The following SV2C variants were observed in gnomAD, a reference collection of about 807,000 sequenced individuals.
SV2C encodes the protein synaptic vesicle glycoprotein 2C.
SV2C carries 49 observed loss-of-function variants against 79.7 expected under a neutral mutation model. The ratio of observed to expected loss-of-function variants is 0.61; its 90% CI spans 0.49 to 0.78. SV2C has a LOEUF of 0.78. SV2C is among the 30% of genes least tolerant of loss of function. The probability of loss-of-function intolerance (pLI) is 0.00; values close to 1 mark genes in which losing one functional copy is unlikely to be tolerated. For missense variants in SV2C, 833 were observed against 912.9 expected (o/e 0.91, Z 1.13); for synonymous variants, 334 against 333.2 (o/e 1.00, Z -0.03).
chr5:75,942,567 T>G, the SV2C span, among the ~76,000 whole-genome samples: 1 of 152,154 alleles, frequency 6.6e-6, no homozygotes, highest in Non-Finnish European at 1.5e-5. Flanking sequence ...GAGAGAAAAA[T>G]AAATGAACTT....
intron 4 of SV2C, among the ~76,000 whole-genome samples, chr5:76,257,708 AGGT>A (rs1746330908): frequency 6.8e-6 from 1 of 146,752 alleles, no homozygotes; most frequent in African/African-American, 2.5e-5. Flanking sequence ...GTGTGTAGGT[AGGT>A]GTATGTGTGT....
chr5:76,300,682 A>G (rs775253155), intron 10 of SV2C, 47 bp from the exon 11 acceptor site: 1 of 1,583,018 alleles, frequency 6.3e-7, no homozygotes. Context: ...ATACTGGTGC[A>G]TGCCTGGTAA....
At chr5:76,009,085 T>C in the SV2C span, among the ~76,000 whole-genome samples, 1 of 152,158 alleles carries the variant, frequency 6.6e-6, no homozygotes, top group Non-Finnish European at 1.5e-5. Flanking sequence ...CAACCCACCC[T>C]CTGGAATGCT....
chr5:76,041,285 T>G, the SV2C span, among the ~76,000 whole-genome samples: 1 of 152,238 alleles, frequency 6.6e-6, no homozygotes, highest in Non-Finnish European at 1.5e-5. Context: ...CCTCAAATTC[T>G]GTGACTCACA....
At position 76,125,011 on chromosome 5, in the gene SV2C, C is replaced by A. The variant is rs1441371126; in HGVS notation, c.-101-6639C>A. ...AAACAGGTTTGCCATTTGTGTGAGG[C>A]CTTTAGATTTCACTAATCTGGGGTT... On this transcript the variant is annotated intron_variant, in intron 1 of 12. Coordinates refer to ENST00000502798, the MANE Select transcript of SV2C (RefSeq NM_014979.4). 2.6e-5 allele frequency among the ~76,000 whole-genome samples: 4 copies of A among 152,110 alleles called. 1 individual carries two copies. The highest frequency in any genetic ancestry group is 1.3e-4 in the Admixed American group (2 of 15,272).
chr5:75,935,715 G>A, the SV2C span, among the ~76,000 whole-genome samples: 1 of 152,112 alleles, frequency 6.6e-6, no homozygotes, highest in Admixed American at 6.5e-5. Flanking sequence ...TAAGAAGTAC[G>A]TAACATTCAT....
At chr5:76,187,517 G>T (rs1291199808) in intron 2 of SV2C, among the ~76,000 whole-genome samples, 1 of 152,164 alleles carries the variant, frequency 6.6e-6, no homozygotes, top group Non-Finnish European at 1.5e-5. Context: ...TAGCTAAGAA[G>T]AGCTGGCTTT....
chr5:76,165,283 A>G (rs1192875808), intron 2 of SV2C, among the ~76,000 whole-genome samples: 1 of 152,242 alleles, frequency 6.6e-6, no homozygotes, highest in African/African-American at 2.4e-5. Flanking sequence ...GGAAATTGAC[A>G]TTGGTACAAT....
intron 4 of SV2C, among the ~76,000 whole-genome samples, chr5:76,246,429 C>T (rs1745949587): frequency 1.3e-5 from 2 of 152,314 alleles, no homozygotes; most frequent in Admixed American, 6.5e-5. Flanking sequence ...TTATGTTCCT[C>T]CTGTCCAGTG....
chr5:76,002,186 A>G, the SV2C span, among the ~76,000 whole-genome samples: 1 of 135,118 alleles, frequency 7.4e-6, no homozygotes, highest in Admixed American at 7.3e-5. Flanking sequence ...ATATATATAT[A>G]TATAATATTT....
chr5:76,301,586 C>A, intron 12 of SV2C, 41 bp downstream of exon 12: 1 of 1,575,470 alleles, frequency 6.3e-7, no homozygotes, highest in Non-Finnish European at 8.6e-7. Flanking sequence ...ACTCTAAGCC[C>A]TGTGAGACCA....
chr5:76,207,970 C>G (rs1461349561), intron 3 of SV2C, among the ~76,000 whole-genome samples: 1 of 152,244 alleles, frequency 6.6e-6, no homozygotes, highest in Non-Finnish European at 1.5e-5. Context: ...GCCCCCACCA[C>G]ATGCATTTGT....
intron 4 of SV2C, among the ~76,000 whole-genome samples, chr5:76,258,761 A>G (rs1424837533): frequency 2.6e-5 from 4 of 152,204 alleles, no homozygotes; most frequent in Non-Finnish European, 4.4e-5. Flanking sequence ...TTATGCACCC[A>G]TGTAACCACC....
chr5:76,157,543 A>T (rs1742769034), intron 2 of SV2C, among the ~76,000 whole-genome samples: 2 of 151,984 alleles, frequency 1.3e-5, no homozygotes, highest in African/African-American at 4.8e-5. Flanking sequence ...CTGATTTAAA[A>T]AGCAATTGCA....
At chr5:75,853,607 CA>C in the SV2C span, among the ~76,000 whole-genome samples, 562 of 28,444 alleles carry the variant, frequency 0.02, 1 homozygote, top group African/African-American at 0.065. Context: ...GACTCCGTCT[CA>C]AAAAAAAAAA....
At chr5:76,186,142 C>T (rs1279036002) in intron 2 of SV2C, among the ~76,000 whole-genome samples, 2 of 152,188 alleles carry the variant, frequency 1.3e-5, no homozygotes, top group Admixed American at 6.5e-5. Flanking sequence ...GCCTGGACTT[C>T]GTTGTCCATA....
At chr5:75,853,894 A>C in the SV2C span, among the ~76,000 whole-genome samples, 7 of 151,482 alleles carry the variant, frequency 4.6e-5, no homozygotes, top group South Asian at 8.3e-4. Flanking sequence ...TAAAATAAAA[A>C]TAAATTCTTA....
the SV2C span, chr5:75,921,304 G>A: frequency 6.9e-6 from 10 of 1,442,834 alleles, no homozygotes; most frequent in Middle Eastern, 1.7e-4. Context: ...AAGGCTCCAC[G>A]AGCTGCAGGT....
chr5:76,308,694 A>G (rs970704545), intron 12 of SV2C, among the ~76,000 whole-genome samples: 1 of 152,150 alleles, frequency 6.6e-6, no homozygotes, highest in Non-Finnish European at 1.5e-5. Context: ...ATGGAGCAGA[A>G]GGCAAACGCA....
Sources: allele counts gnomAD v4.1 joint callset (sites outside exome capture counted in the v4.1 genomes callset), GRCh38; gene constraint gnomAD v4.1.1; transcripts MANE v1.5; gene names NCBI Gene and HGNC (gene_info 2026-07-23, HGNC 2026-07-21).